The following MAGI2 variants were observed in gnomAD, a reference collection of about 807,000 sequenced individuals.
The protein encoded by MAGI2 is membrane associated guanylate kinase, WW and PDZ domain containing 2.
In MAGI2, 35 loss-of-function variants were observed where a neutral mutation model predicts 133.3. The ratio of observed to expected loss-of-function variants is 0.26; its 90% CI spans 0.20 to 0.35. The LOEUF (loss-of-function observed/expected upper bound fraction) is 0.35. MAGI2 is among the 10% of genes least tolerant of loss of function. The pLI is 1.00. For synonymous variants in MAGI2, 729 were observed against 710.6 expected, an observed-to-expected ratio of 1.03 and a Z score of -0.41; for missense variants, 1,636 against 1,863.4, an observed-to-expected ratio of 0.88 and a Z score of 2.25.
At chr7:78,108,339 C>T (rs773038856) in intron 20 of MAGI2, among the ~76,000 whole-genome samples, 1 of 152,098 alleles carries the variant, frequency 6.6e-6, no homozygotes, top group Admixed American at 6.5e-5. Context: ...TGAGAAGATA[C>T]TTGATACAAT....
chr7:78,388,191 T>C (rs1795576131), intron 6 of MAGI2, among the ~76,000 whole-genome samples: 2 of 152,150 alleles, frequency 1.3e-5, no homozygotes, highest in Non-Finnish European at 2.9e-5. Context: ...AATAGAGATA[T>C]AGAGTGCCCT....
intron 2 of MAGI2, among the ~76,000 whole-genome samples, chr7:78,675,248 C>CTGTTGT (rs57947329): frequency 0.013 from 2,023 of 150,634 alleles, 36 homozygotes; most frequent in African/African-American, 0.036. Flanking sequence ...TTATGGGTTG[C>CTGTTGT]TGTTGTTGTT....
intron 2 of MAGI2, among the ~76,000 whole-genome samples, chr7:78,633,541 T>TA (rs1318751513): frequency 6.6e-6 from 1 of 151,846 alleles, no homozygotes; most frequent in Admixed American, 6.6e-5. Flanking sequence ...CCGTCTCTAC[T>TA]AAAAATACAA....
intron 2 of MAGI2, among the ~76,000 whole-genome samples, chr7:78,960,233 A>G (rs941832454): frequency 6.6e-6 from 1 of 152,108 alleles, no homozygotes; most frequent in Non-Finnish European, 1.5e-5. Context: ...GCACACAAAC[A>G]TTTACTAACT....
chr7:79,148,401 C>G (rs192906945), intron 1 of MAGI2, among the ~76,000 whole-genome samples: 113 of 152,318 alleles, frequency 7.4e-4, no homozygotes, highest in African/African-American at 2.6e-3. Context: ...CTGGCCTTCA[C>G]TGGGTGATCT....
intron 2 of MAGI2, among the ~76,000 whole-genome samples, chr7:78,932,485 G>C (rs1179325085): frequency 2.0e-5 from 3 of 151,152 alleles, no homozygotes; most frequent in African/African-American, 7.3e-5. Context: ...CTGTACTGAA[G>C]GTAAAGAACA....
intron 2 of MAGI2, among the ~76,000 whole-genome samples, chr7:78,734,486 A>G (rs1821662427): frequency 6.6e-6 from 1 of 152,138 alleles, no homozygotes; most frequent in African/African-American, 2.4e-5. Context: ...TATTAATTGC[A>G]TTTATGGCCT....
chr7:78,990,774 T>G (rs1029406211), intron 2 of MAGI2, among the ~76,000 whole-genome samples: 1 of 152,036 alleles, frequency 6.6e-6, no homozygotes, highest in African/African-American at 2.4e-5. Context: ...GCATTAAAAA[T>G]CTGTGTTCTA....
chr7:78,710,276 G>A (rs1321247167), intron 2 of MAGI2, among the ~76,000 whole-genome samples: 2 of 152,216 alleles, frequency 1.3e-5, no homozygotes, highest in Non-Finnish European at 2.9e-5. Flanking sequence ...ATCAAAATCA[G>A]GACTAATGCT....
chr7:79,003,089 C>T (rs146721042), intron 2 of MAGI2, among the ~76,000 whole-genome samples: 135 of 152,070 alleles, frequency 8.9e-4, no homozygotes, highest in African/African-American at 3.2e-3. Flanking sequence ...CCCTGCTTAG[C>T]TCAGAAATCA....
chr7:78,499,869 C>T (rs1019308431), intron 5 of MAGI2, among the ~76,000 whole-genome samples: 12 of 152,034 alleles, frequency 7.9e-5, no homozygotes, highest in Admixed American at 3.9e-4. Context: ...ACTTCTGGTC[C>T]GCAATGATGT....
chr7:79,304,232 T>TGTGTGTGTGG (rs1186248786), intron 1 of MAGI2, among the ~76,000 whole-genome samples: 1 of 150,648 alleles, frequency 6.6e-6, no homozygotes, highest in African/African-American at 2.4e-5. Flanking sequence ...TGTGTGTGTG[T>TGTGTGTGTGG]AGATTTCTAG....
intron 2 of MAGI2, among the ~76,000 whole-genome samples, chr7:78,732,360 A>G (rs1377181447): frequency 6.6e-6 from 1 of 152,176 alleles, no homozygotes; most frequent in Non-Finnish European, 1.5e-5. Flanking sequence ...CACCTTAAGT[A>G]TATTTATGGA....
chr7:79,113,937 A>T (rs1006115448), intron 1 of MAGI2, among the ~76,000 whole-genome samples: 3 of 152,126 alleles, frequency 2.0e-5, no homozygotes, highest in Non-Finnish European at 2.9e-5. Flanking sequence ...ACCATGGAAC[A>T]GTATATGTCT....
intron 1 of MAGI2, among the ~76,000 whole-genome samples, chr7:79,194,489 C>T (rs747341270): frequency 1.3e-5 from 2 of 151,616 alleles, no homozygotes; most frequent in Non-Finnish European, 1.5e-5. Flanking sequence ...AGAGCTAATT[C>T]CAATAAAAAT....
intron 14 of MAGI2, among the ~76,000 whole-genome samples, chr7:78,172,583 A>C (rs1481183596): frequency 3.3e-5 from 5 of 152,236 alleles, no homozygotes; most frequent in African/African-American, 1.2e-4. Flanking sequence ...CTCTTGCAGG[A>C]AAAATGCCCG....
At chr7:79,228,651 A>C (rs1831086910) in intron 1 of MAGI2, among the ~76,000 whole-genome samples, 1 of 152,166 alleles carries the variant, frequency 6.6e-6, no homozygotes, top group African/African-American at 2.4e-5. Context: ...AGACTTGCAT[A>C]GAAGCGTAAG....
At chr7:78,672,418 A>C (rs1814504042) in intron 2 of MAGI2, among the ~76,000 whole-genome samples, 1 of 152,178 alleles carries the variant, frequency 6.6e-6, no homozygotes, top group Admixed American at 6.5e-5. Flanking sequence ...TGAGCCAAAA[A>C]TAAATCTCTT....
chr7:78,435,008 C>T (rs1479441562), intron 6 of MAGI2, among the ~76,000 whole-genome samples: 2 of 152,092 alleles, frequency 1.3e-5, no homozygotes, highest in Non-Finnish European at 2.9e-5. Context: ...CTAAATGCCT[C>T]ACAAGTTTAA....
Sources: allele counts gnomAD v4.1 joint callset (sites outside exome capture counted in the v4.1 genomes callset), GRCh38; gene constraint gnomAD v4.1.1; transcripts MANE v1.5; gene names NCBI Gene and HGNC (gene_info 2026-07-23, HGNC 2026-07-21).